LSG1: variants seen among roughly 807,000 people sequenced by gnomAD.
LSG1 encodes the protein large 60S subunit nuclear export GTPase 1, also known as large subunit GTPase 1 homolog.
LSG1 carries 55 observed loss-of-function variants against 82.6 expected under a neutral mutation model. That is an observed-to-expected ratio of 0.67 (90% CI 0.54 to 0.83). The LOEUF is 0.83. LSG1 is among the 40% of genes least tolerant of loss of function. The pLI is 0.00. For synonymous variants in LSG1, 272 were observed against 282.5 expected (o/e 0.96, Z 0.37); for missense variants, 809 against 807.9 (o/e 1.00, Z -0.02).
chr3:194,641,840 C>T lies in LSG1; in HGVS notation c.*228G>A. 1 of 415,554 alleles carries T rather than the reference C, an allele frequency of 2.4e-6. No homozygotes were observed. The highest frequency in any genetic ancestry group is 4.2e-6 in the Non-Finnish European group (1 of 236,574). The allele number at this position is 415,554 out of a possible 1,614,324, so 25.7% of individuals were successfully genotyped here. Reference sequence around the variant, plus strand: ...CATGTTGGTGCGTGAGCCACTGTGCCCGGCCAGGAGTAGGATTCTCGGGCT... The same window carrying T: ...CATGTTGGTGCGTGAGCCACTGTGCTCGGCCAGGAGTAGGATTCTCGGGCT... On this transcript the variant is annotated 3_prime_UTR_variant, in exon 14 of 14. Transcript: ENST00000265245.
chr3:194,653,633 G>T (rs1328184843), intron 7 of LSG1, among the ~76,000 whole-genome samples: 1 of 152,134 alleles, frequency 6.6e-6, no homozygotes, highest in Non-Finnish European at 1.5e-5. Context: ...AACCATCGAG[G>T]GTGGCGCCCT....
intron 13 of LSG1, among the ~76,000 whole-genome samples, chr3:194,644,368 C>CAA (rs1395757240): frequency 6.9e-4 from 43 of 62,030 alleles, no homozygotes; most frequent in Non-Finnish European, 9.1e-4. Context: ...GACTCCGTCT[C>CAA]AAAAAAAAAA....
At chr3:194,667,942 A>AAAAAAAAAAATATATATATAT (rs1416407494) in intron 2 of LSG1, among the ~76,000 whole-genome samples, 1 of 86,962 alleles carries the variant, frequency 1.1e-5, no homozygotes, top group African/African-American at 4.8e-5. Context: ...AAAAAAAAAA[A>AAAAAAAAAAATATATATATAT]ATATATATAT....
intron 12 of LSG1, 122 bp downstream of exon 12, chr3:194,646,042 C>G: frequency 1.1e-6 from 1 of 937,620 alleles, no homozygotes. Context: ...ACATCAAGAA[C>G]ACAACTCCAG....
In LSG1 at chr3:194,666,573, CT is replaced by C. The variant is rs1719035187; in HGVS notation, c.227-2del. On this transcript the variant is annotated splice_acceptor_variant, in intron 2 of 13. Transcript: ENST00000265245. LOFTEE classifies it high-confidence loss of function. ...GGCACAAACTTAATATTAAGTTTCT[CT>C]GTTCAAATAAAGAAAAGTACTATTA... The C allele has an allele frequency of 6.2e-7, 1 of 1,607,372 alleles. No homozygotes were observed. The highest frequency in any genetic ancestry group is 8.5e-7 in the Non-Finnish European group (1 of 1,175,854).
rs1360041121 is a variant in LSG1, at chr3:194,644,375, A to T, written c.1797+198T>A. On this transcript the variant is annotated intron_variant, in intron 13 of 13. Transcript: ENST00000265245. ...CAGAGCGAGACTCCGTCTCAAAAAA[A>T]AAAAATAAAAATAAATAAATAAATA... 2.9e-4 allele frequency among the ~76,000 whole-genome samples: 38 copies of T among 131,252 alleles called. 1 individual carries two copies. Among genetic ancestry groups the T allele is most frequent in the African/African-American group, 1.2e-3 (38 of 32,946 alleles). 86.1% of individuals were successfully genotyped at this position (131,252 alleles called of 152,430 possible). A position where few individuals can be genotyped will look rare whatever the true frequency, so the allele number is the denominator to read the frequency against.
Position 194,644,762 on chromosome 3 carries a change from G to C in LSG1, c.1624-16C>G. On this transcript the variant is annotated splice_polypyrimidine_tract_variant and intron_variant, in intron 12 of 13. Transcript: ENST00000265245. ...GCAGCTTACCCTACAAAGACAACAT[G>C]AATGACAACAGTGCAGCCTAAGTGC... 1 of 1,594,926 alleles carries C rather than the reference G, an allele frequency of 6.3e-7. No homozygotes were observed. Among genetic ancestry groups the C allele is most frequent in the African/African-American group, 1.3e-5 (1 of 74,586 alleles).
chr3:194,644,339 G>A (rs1401818561), intron 13 of LSG1, among the ~76,000 whole-genome samples: 14 of 144,994 alleles, frequency 9.7e-5, no homozygotes, highest in African/African-American at 3.3e-4. Context: ...TCCGCAGTCC[G>A]GCCTGGGCGA....
At chr3:194,645,366 G>A (rs1718498037) in intron 12 of LSG1, 1 of 152,210 alleles carries the variant, frequency 6.6e-6, no homozygotes, top group Admixed American at 6.5e-5. Flanking sequence ...GTCTTGAGAA[G>A]AGGAGGAAAT....
intron 11 of LSG1, among the ~76,000 whole-genome samples, chr3:194,648,233 C>A (rs1718594078): frequency 6.6e-6 from 1 of 152,064 alleles, no homozygotes; most frequent in African/African-American, 2.4e-5. Flanking sequence ...AATAAGTTTA[C>A]AGGGGCTGAT....
chr3:194,650,198 C>T (rs533056973), intron 10 of LSG1, among the ~76,000 whole-genome samples: 16 of 152,350 alleles, frequency 1.1e-4, no homozygotes, highest in African/African-American at 3.8e-4. Context: ...GGGTTACAGG[C>T]ATGAACCACC....
Position 194,670,150 on chromosome 3 carries a change from A to T in LSG1, c.100-15T>A, listed in dbSNP as rs745928283. 8.7e-6 allele frequency: 14 copies of T among 1,611,764 alleles called. No individual in the cohort carries two copies. The Admixed American group carries it at 2.0e-4, about 23-fold the overall frequency. On this transcript the variant is annotated splice_polypyrimidine_tract_variant and intron_variant, in intron 1 of 13. Coordinates refer to ENST00000265245, the MANE Select transcript of LSG1 (RefSeq NM_018385.3). ...CTTGTGTGCAACTATGAAAAAACACAGGGTGATAAATACAGCTGCTCTCTT... is the reference window on the plus strand; with the variant it reads ...CTTGTGTGCAACTATGAAAAAACACTGGGTGATAAATACAGCTGCTCTCTT...
intron 5 of LSG1, chr3:194,660,888 T>C (rs1014044587): frequency 1.3e-5 from 6 of 456,470 alleles, no homozygotes; most frequent in Admixed American, 7.0e-5. Flanking sequence ...TGTCCAGCAC[T>C]GCAAGGAGAA....
rs1719115021 is a variant in LSG1 at position 194,670,133 on chromosome 3, C to T, written c.102G>A (p.Leu34=). Residue 34 remains leucine (L), a splice_region_variant and synonymous_variant, in exon 2 of 14, where the codon TTG becomes TTA. Transcript: ENST00000265245. ...SRSHRHTDSW[L]HTSELNDGYD... is the part of the protein sequence containing the mutation. ...AGCCATCATTGAGTTCACTTGTGTG[C>T]AACTATGAAAAAACACAGGGTGATA... The T allele has an allele frequency of 1.3e-6, 2 of 1,550,836 alleles. No homozygotes were observed. The highest frequency in any genetic ancestry group is 3.1e-5 in the African/African-American group (2 of 64,388).
chr3:194,648,905 A>T, intron 10 of LSG1, 101 bp from the exon 11 acceptor site: 1 of 1,148,476 alleles, frequency 8.7e-7, no homozygotes, highest in Non-Finnish European at 1.3e-6. Flanking sequence ...GCGTGTGACA[A>T]ACACTCTCTC....
intron 10 of LSG1, among the ~76,000 whole-genome samples, chr3:194,650,162 G>A (rs1047704970): frequency 6.6e-6 from 1 of 152,030 alleles, no homozygotes; most frequent in Admixed American, 6.6e-5. Flanking sequence ...TAAGTGATCC[G>A]CCTGCCACAG....
chr3:194,660,030 T>C (rs765884907), intron 6 of LSG1, 43 bp downstream of exon 6: 1 of 1,515,226 alleles, frequency 6.6e-7, no homozygotes, highest in South Asian at 1.1e-5. Flanking sequence ...CTGGCACTGC[T>C]ACTCAAAGGA....
intron 5 of LSG1, chr3:194,660,607 G>A (rs1221603462): frequency 1.0e-5 from 3 of 299,844 alleles, no homozygotes; most frequent in South Asian, 6.2e-5. Context: ...CTTGCTGACA[G>A]CTGCCACTAT....
In LSG1 at chr3:194,666,299, T is replaced by C; in HGVS notation, c.348-10A>G. 2 of 1,613,018 alleles carry C rather than the reference T, an allele frequency of 1.2e-6. No homozygotes were observed. The highest frequency in any genetic ancestry group is 1.1e-5 in the South Asian group (1 of 91,018). ...TTGGTTCCAGTTTGGTCTGAAACAA[T>C]CATAGAAGGAAAAAAATTCCTCATA... is the stretch of plus-strand genomic sequence containing the variant. On this transcript the variant is annotated splice_polypyrimidine_tract_variant and intron_variant, in intron 3 of 13. Transcript: ENST00000265245.
Sources: gnomAD v4.1 joint callset for allele counts (sites outside exome capture counted in the v4.1 genomes callset) on GRCh38, gnomAD v4.1.1 for gene constraint, MANE v1.5 for transcripts, NCBI Gene and HGNC (gene_info 2026-07-23, HGNC 2026-07-21) for gene names.